Variants in PARPBP observed in about 807,000 individuals in gnomAD.
The protein encoded by PARPBP is PCNA-interacting partner.
PARPBP carries 52 observed loss-of-function variants against 50.0 expected under a neutral mutation model. The observed-to-expected ratio is 1.04, with a 90% CI of 0.83 to 1.31. The LOEUF is 1.31. Ranked by LOEUF, PARPBP falls within the 50% of genes most tolerant of loss-of-function variation. The pLI is 0.00. For missense variants in PARPBP, 697 were observed against 672.0 expected (o/e 1.04, Z -0.41); for synonymous variants, 244 against 232.1 (o/e 1.05, Z -0.47).
intron 2 of PARPBP, among the ~76,000 whole-genome samples, chr12:102,138,747 C>T (rs1254581788): frequency 1.3e-5 from 2 of 152,162 alleles, no homozygotes; most frequent in East Asian, 3.8e-4. Context: ...AATAGGGAAT[C>T]TTTTCCCGAT....
intron 5 of PARPBP, among the ~76,000 whole-genome samples, chr12:102,164,848 C>T (rs1887975238): frequency 6.6e-6 from 1 of 152,138 alleles, no homozygotes; most frequent in Non-Finnish European, 1.5e-5. Flanking sequence ...GATAAATTCT[C>T]TGTGAATAAA....
intron 2 of PARPBP, among the ~76,000 whole-genome samples, chr12:102,128,481 T>G (rs1023543564): frequency 6.6e-6 from 1 of 152,200 alleles, no homozygotes; most frequent in Non-Finnish European, 1.5e-5. Context: ...TCTGCCCACC[T>G]CGGCCTCCCA....
intron 1 of PARPBP, among the ~76,000 whole-genome samples, chr12:102,121,545 CT>C (rs35855638): frequency 0.069 from 6,033 of 87,028 alleles, 224 homozygotes; most frequent in East Asian, 0.18. Context: ...TAGTAATGCT[CT>C]TTTTTTTTTT....
At chr12:102,188,489 G>C (rs1890512615) in intron 9 of PARPBP, among the ~76,000 whole-genome samples, 1 of 152,090 alleles carries the variant, frequency 6.6e-6, no homozygotes, top group Admixed American at 6.6e-5. Flanking sequence ...ACCCAGCTCT[G>C]ATGCAGCTCA....
chr12:102,195,495 A>G, intron 10 of PARPBP, 48 bp downstream of exon 10: 1 of 1,416,726 alleles, frequency 7.1e-7, no homozygotes, highest in Non-Finnish European at 9.8e-7. Context: ...ATTCTAGTCT[A>G]CTAATTAGTT....
intron 9 of PARPBP, among the ~76,000 whole-genome samples, chr12:102,183,639 C>T (rs1313380399): frequency 6.6e-6 from 1 of 151,972 alleles, no homozygotes; most frequent in African/African-American, 2.4e-5. Flanking sequence ...TAAAATCTAT[C>T]CATTGGACTT....
Position 102,165,700 on chromosome 12 carries a change from A to C in PARPBP, c.667-29A>C, listed in dbSNP as rs372027034. The C allele has an allele frequency of 4.5e-6, 7 of 1,552,520 alleles. No individual in the cohort carries two copies. In the African/African-American group the frequency reaches 9.6e-5, roughly 21 times the overall value. ...ATTACAGTTTAATAAATCACTGGAC[A>C]TAACTTATCCGTTTGTTTTAATTCA... On this transcript the variant is annotated intron_variant, in intron 5 of 10. Coordinates refer to ENST00000327680, the MANE Select transcript of PARPBP (RefSeq NM_017915.5).
Position 102,196,136 on chromosome 12 carries a change from C to T in PARPBP, c.1585C>T (p.Pro529Ser), listed in dbSNP as rs745693240. ...NILCDNRNEP[P>S]QHKNAKIPKK... is the part of the protein sequence containing the mutation. ...TCTCTGTGATAATAGAAATGAACCACCTCAACATAAAAATGCTAAAATACC... is the reference window on the plus strand; with the variant it reads ...TCTCTGTGATAATAGAAATGAACCATCTCAACATAAAAATGCTAAAATACC... The change falls in exon 11 of 11, where the codon CCT becomes TCT. Residue 529 changes from proline (P) to serine (S), a missense_variant. By Grantham distance (74) the Pro-to-Ser change is moderately conservative. Coordinates refer to ENST00000327680, the MANE Select transcript of PARPBP (RefSeq NM_017915.5). 8 of 1,611,908 alleles carry T rather than the reference C, an allele frequency of 5.0e-6. No individual in the cohort carries two copies. In the South Asian group the frequency reaches 8.8e-5, roughly 18 times the overall value.
Position 102,165,756 on chromosome 12 carries a change from G to C in PARPBP, c.694G>C (p.Glu232Gln), listed in dbSNP as rs1237513931. The C allele has an allele frequency of 1.2e-6, 2 of 1,609,278 alleles. No individual in the cohort carries two copies. The highest frequency in any genetic ancestry group is 1.7e-6 in the Non-Finnish European group (2 of 1,177,518). ...GGCCACGTCTTTTATTAGAACAATA[G>C]AGCTTGGAGGGAAAGGATATGCACC... Reference protein sequence around the residue: ...LVATSFIRTIELGGKGYAPPP... With the variant: ...LVATSFIRTIQLGGKGYAPPP... The change falls in exon 6 of 11, where the codon GAG (glutamate) becomes CAG (glutamine). Residue 232 changes from glutamate (E) to glutamine (Q), a missense_variant. By Grantham distance (29) the Glu-to-Gln change is conservative. Coordinates refer to ENST00000327680, the MANE Select transcript of PARPBP (RefSeq NM_017915.5).
At chr12:102,195,234 T>C (rs1235862024) in intron 9 of PARPBP, 78 bp from the exon 10 acceptor site, 10 of 882,790 alleles carry the variant, frequency 1.1e-5, no homozygotes, top group Middle Eastern at 6.2e-4. Context: ...TTGATTACTA[T>C]AGAGTGTGTG....
chr12:102,159,385 C>T (rs1887319961), intron 4 of PARPBP, among the ~76,000 whole-genome samples: 1 of 152,154 alleles, frequency 6.6e-6, no homozygotes, highest in Non-Finnish European at 1.5e-5. Flanking sequence ...CCTCGGCCTC[C>T]CAAAGTGCTG....
At chr12:102,140,020 C>G (rs1884302885) in intron 2 of PARPBP, among the ~76,000 whole-genome samples, 1 of 152,164 alleles carries the variant, frequency 6.6e-6, no homozygotes, top group Non-Finnish European at 1.5e-5. Context: ...GGATGATTCC[C>G]TCTTTTTCTG....
At chr12:102,174,301 A>G (rs555295036) in intron 6 of PARPBP, among the ~76,000 whole-genome samples, 410 of 152,180 alleles carry the variant, frequency 2.7e-3, no homozygotes, top group Non-Finnish European at 4.5e-3. Flanking sequence ...TATGAGTCTG[A>G]TGATTAGGAA....
chr12:102,174,331 C>T (rs1293608219), intron 6 of PARPBP, among the ~76,000 whole-genome samples: 1 of 152,110 alleles, frequency 6.6e-6, no homozygotes, highest in Non-Finnish European at 1.5e-5. Context: ...TCATCATACA[C>T]TAAGTCTCTC....
intron 9 of PARPBP, among the ~76,000 whole-genome samples, chr12:102,186,246 A>C (rs944580427): frequency 3.3e-5 from 5 of 151,824 alleles, no homozygotes; most frequent in Non-Finnish European, 5.9e-5. Context: ...TGTTGATTTT[A>C]TCTTATCAAA....
At chr12:102,148,721 G>T (rs1885772986) in intron 3 of PARPBP, 2 of 299,540 alleles carry the variant, frequency 6.7e-6, no homozygotes, top group South Asian at 1.4e-4. Flanking sequence ...CCCTAACAAA[G>T]AAATTAGTCC....
intron 5 of PARPBP, among the ~76,000 whole-genome samples, chr12:102,165,104 G>A (rs1888002696): frequency 6.6e-6 from 1 of 152,126 alleles, no homozygotes. Flanking sequence ...CACAGGATTT[G>A]TCTTTCTTAG....
At chr12:102,151,914 T>A in intron 3 of PARPBP, 1 of 732,984 alleles carries the variant, frequency 1.4e-6, no homozygotes, top group Non-Finnish European at 2.2e-6. Context: ...CAGTTTAATA[T>A]AAAACCAGGA....
intron 2 of PARPBP, among the ~76,000 whole-genome samples, chr12:102,142,052 G>A (rs956968807): frequency 1.2e-4 from 18 of 152,280 alleles, no homozygotes; most frequent in African/African-American, 3.8e-4. Flanking sequence ...GGTTGGGGAA[G>A]TTCTCCTGGA....
Sources: gnomAD v4.1 joint callset for allele counts (sites outside exome capture counted in the v4.1 genomes callset) on GRCh38, gnomAD v4.1.1 for gene constraint, MANE v1.5 for transcripts, NCBI Gene and HGNC (gene_info 2026-07-23, HGNC 2026-07-21) for gene names.